PSG5: variants seen among roughly 807,000 people sequenced by gnomAD.
The protein encoded by PSG5 is pregnancy-specific beta-1-glycoprotein 5.
PSG5 carries 53 observed loss-of-function variants against 37.7 expected under a neutral mutation model. That is an observed-to-expected ratio of 1.41 (90% confidence interval 1.13 to 1.77). The LOEUF is 1.77. PSG5 is among the 40% of genes most tolerant of loss of function. The pLI is 0.00. For synonymous variants in PSG5, 221 were observed against 155.4 expected (o/e 1.42, Z -3.14); for missense variants, 547 against 405.2 (o/e 1.35, Z -3.00).
rs573752117 is a variant in PSG5, at chr19:43,176,119, T to A, written c.460A>T (p.Asn154Tyr). The part of the protein sequence containing the change: ...LKLPKPYITI[N>Y]NSKPRENKDV... ...TTATTCTCCCTGGGTTTTGAGTTGT[T>A]GATGGTGATGTAGGGCTTGGGCAGC... Residue 154 changes from asparagine to tyrosine, a missense_variant, in exon 3 of 6, where the codon AAC becomes TAC. Asn to Tyr is a moderately radical substitution (Grantham distance 143). Transcript: ENST00000342951. 1.9e-6 allele frequency: 3 copies of A among 1,611,250 alleles called. No individual in the cohort carries two copies. In the African/African-American group the frequency reaches 4.0e-5, roughly 22 times the overall value.
At chr19:43,177,877 TATC>T (rs1469641406) in intron 2 of PSG5, among the ~76,000 whole-genome samples, 1 of 151,646 alleles carries the variant, frequency 6.6e-6, no homozygotes, top group East Asian at 1.9e-4. Flanking sequence ...CATATATTGA[TATC>T]ATCTTTAATT....
rs903527737 is a variant in PSG5, at chr19:43,175,527, G to T, written c.710-58C>A. 1.7e-5 allele frequency: 26 copies of T among 1,557,272 alleles called. No individual in the cohort carries two copies. The East Asian group carries it at 3.8e-4, about 23-fold the overall frequency. Reference sequence around the variant, plus strand: ...TCATCCAAGGGAAGGGGATGCTCCTGGTCTCTTAAAGGGACACAGTGACCC... The same window carrying T: ...TCATCCAAGGGAAGGGGATGCTCCTTGTCTCTTAAAGGGACACAGTGACCC... On this transcript the variant is annotated intron_variant, in intron 3 of 5. Transcript: ENST00000342951.
rs757745001 is a variant in PSG5 at position 43,184,867 on chromosome 19, T to C, written c.345A>G (p.Glu115=). ...ASLLIQNVTR[E]DAGSYTLHII... is the part of the protein sequence containing the mutation. ...TGTGTAAGGTGTAGGATCCTGCGTC[T>C]TCCCGGGTGACATTCTGGATCAGCA... Residue 115 remains glutamate, a synonymous_variant, in exon 2 of 6, where the codon GAA becomes GAG. Transcript: ENST00000342951. The C allele has an allele frequency of 5.0e-6, 8 of 1,612,484 alleles. No homozygotes were observed. Among genetic ancestry groups the C allele is most frequent in the African/African-American group, 2.7e-5 (2 of 74,516 alleles).
At position 43,175,958 on chromosome 19, in the gene PSG5, G is replaced by A. The variant is rs1969000728; in HGVS notation, c.621C>T (p.Val207=). The A allele has an allele frequency of 1.2e-6, 2 of 1,612,110 alleles. No individual in the cohort carries two copies. Among genetic ancestry groups the A allele is most frequent in the South Asian group, 1.1e-5 (1 of 91,026 alleles). ...CATAGGGTCCTGTTTCATTTCTCGT[G>A]ACACTGGGTAGAATGAGGATCCTGT... The part of the protein sequence containing the change: ...IENRILILPS[V]TRNETGPYEC... The change falls in exon 3 of 6, where the codon GTC becomes GTT. Residue 207 remains valine, a synonymous_variant. Coordinates refer to ENST00000342951, the MANE Select transcript of PSG5 (RefSeq NM_002781.4).
At chr19:43,182,694 A>C (rs1969153917) in intron 2 of PSG5, among the ~76,000 whole-genome samples, 1 of 80,028 alleles carries the variant, frequency 1.2e-5, no homozygotes, top group South Asian at 4.3e-4. Flanking sequence ...CTAGAAACCA[A>C]CATTTCAATA....
intron 2 of PSG5, chr19:43,179,066 T>A (rs761509488): frequency 6.2e-7 from 1 of 1,612,482 alleles, no homozygotes; most frequent in Non-Finnish European, 8.5e-7. Context: ...AGCTTGTGTC[T>A]GAAGCCGCAG....
chr19:43,168,066 G>C lies in PSG5; in HGVS notation c.*178C>G. The C allele has an allele frequency of 4.7e-6, 2 of 427,586 alleles. No homozygotes were observed. The allele number at this position is 427,586 out of a possible 1,614,324, so 26.5% of individuals were successfully genotyped here. On this transcript the variant is annotated 3_prime_UTR_variant, in exon 6 of 6. Coordinates refer to ENST00000342951, the MANE Select transcript of PSG5 (RefSeq NM_002781.4). ...TAAAATTTTGAAAGTTCTTAGTCCA[G>C]TGGTATGATCTTGAAGTTATCAGGA...
chr19:43,183,491 A>C (rs773471706), intron 2 of PSG5: 6 of 528,624 alleles, frequency 1.1e-5, no homozygotes, highest in Non-Finnish European at 2.3e-5. Flanking sequence ...GAAAGAAAAC[A>C]AAGTCCTCTC....
rs948717445 is a variant in PSG5, at chr19:43,185,069, C to T, written c.143G>A (p.Gly48Glu). 1 of 1,612,286 alleles carries T rather than the reference C, an allele frequency of 6.2e-7. No homozygotes were observed. Reference sequence around the variant, plus strand: ...GTGGACAAGTAGAAGAACATCCTTCCCCTCGGAAACTTTGGGTGGCAGGGC... The same window carrying T: ...GTGGACAAGTAGAAGAACATCCTTCTCCTCGGAAACTTTGGGTGGCAGGGC... Reference protein sequence around the residue: ...IEALPPKVSEGKDVLLLVHNL... With the variant: ...IEALPPKVSEEKDVLLLVHNL... The change falls in exon 2 of 6, where the codon GGG becomes GAG. Residue 48 changes from glycine to glutamate, a missense_variant. Physicochemically the swap from Gly to Glu is moderately conservative, Grantham distance 98. Coordinates refer to ENST00000342951, the MANE Select transcript of PSG5 (RefSeq NM_002781.4).
chr19:43,186,245 G>T lies in PSG5; in HGVS notation c.64+97C>A. ...CCCACCTCATCCTCCCAAAGTGCTG[G>T]CTTCTTTTATTTTTTAGAACCCCAT... is the stretch of plus-strand genomic sequence containing the variant. On this transcript the variant is annotated intron_variant, in intron 1 of 5. Transcript: ENST00000342951. 3.2e-6 allele frequency: 5 copies of T among 1,581,526 alleles called. No individual in the cohort carries two copies. The Admixed American group carries it at 5.1e-5, about 16-fold the overall frequency.
chr19:43,178,773 G>A lies in PSG5; in HGVS notation c.431-2625C>T, dbSNP rs536533879. The A allele has an allele frequency of 4.9e-5, 78 of 1,606,942 alleles. 1 individual carries two copies. In the South Asian group the frequency reaches 5.4e-4, roughly 11 times the overall value. On this transcript the variant is annotated intron_variant, in intron 2 of 5. Coordinates refer to ENST00000342951, the MANE Select transcript of PSG5 (RefSeq NM_002781.4). Reference sequence around the variant, plus strand: ...GTCATGGCCAGCTTTGATGTCCAGGGGTAAAGGTCTCTGTACTTGGACCTG... The same window carrying A: ...GTCATGGCCAGCTTTGATGTCCAGGAGTAAAGGTCTCTGTACTTGGACCTG...
At chr19:43,175,739 G>A (rs1968994564) in intron 3 of PSG5, 131 bp downstream of exon 3, 9 of 1,522,140 alleles carry the variant, frequency 5.9e-6, no homozygotes, top group African/African-American at 1.4e-5. Context: ...AGGGCAGGGA[G>A]TCATGGCCAG....
intron 1 of PSG5, 47 bp from the exon 2 acceptor site, chr19:43,185,194 G>C: frequency 1.9e-6 from 3 of 1,541,752 alleles, no homozygotes; most frequent in Middle Eastern, 1.8e-4. Context: ...CTGTGTATTG[G>C]GGTGAAAAGA....
Position 43,183,027 on chromosome 19 carries a change from AG to A in PSG5, c.430+1754del, listed in dbSNP as rs778384378. Among the ~76,000 whole-genome samples, 187 of 150,964 alleles carry A rather than the reference AG, an allele frequency of 1.2e-3. 1 individual carries two copies. Among genetic ancestry groups the A allele is most frequent in the Non-Finnish European group, 2.3e-3 (157 of 67,738 alleles). ...TAGAGGGAGTGTCTGGGGAAGGCCT[AG>A]GGGTGGGGGAAGAAGCTGTGCAGGA... is the stretch of plus-strand genomic sequence containing the variant. On this transcript the variant is annotated intron_variant, in intron 2 of 5. Transcript: ENST00000342951.
At chr19:43,185,413 C>T (rs1966912347) in intron 1 of PSG5, among the ~76,000 whole-genome samples, 1 of 120,522 alleles carries the variant, frequency 8.3e-6, no homozygotes, top group Admixed American at 9.0e-5. Flanking sequence ...TCCTCTTCCC[C>T]AGGGGTCCAC....
chr19:43,171,561 G>C, intron 4 of PSG5: 1 of 401,818 alleles, frequency 2.5e-6, no homozygotes, highest in Non-Finnish European at 4.3e-6. Flanking sequence ...AAAAAGAATA[G>C]AGGAAATTAA....
At position 43,175,677 on chromosome 19, in the gene PSG5, C is replaced by T. The variant is rs951258441; in HGVS notation, c.709+193G>A. The T allele has an allele frequency of 4.5e-5, 62 of 1,384,198 alleles. 4 individuals are homozygous for T. The African/African-American group carries it at 4.8e-4, about 11-fold the overall frequency. The allele number at this position is 1,384,198 out of a possible 1,614,324, so 85.7% of individuals were successfully genotyped here. ...GACACAAAGTCTCCCATGACAAGAG[C>T]GCCCCCTCCCCTTATATTCCTGGTT... On this transcript the variant is annotated intron_variant, in intron 3 of 5. Transcript: ENST00000342951.
chr19:43,172,320 T>G (rs1968923960), intron 4 of PSG5, among the ~76,000 whole-genome samples: 2 of 151,662 alleles, frequency 1.3e-5, no homozygotes, highest in Non-Finnish European at 2.9e-5. Flanking sequence ...TTTCCCTGTA[T>G]GAGCAGGAAC....
chr19:43,185,570 A>G (rs1966918606), intron 1 of PSG5, among the ~76,000 whole-genome samples: 1 of 150,294 alleles, frequency 6.7e-6, no homozygotes, highest in Non-Finnish European at 1.5e-5. Context: ...TCTTGTCAAC[A>G]CCTGACCTCA....
Sources: allele counts gnomAD v4.1 joint callset (sites outside exome capture counted in the v4.1 genomes callset), GRCh38; gene constraint gnomAD v4.1.1; transcripts MANE v1.5; gene names NCBI Gene and HGNC (gene_info 2026-07-23, HGNC 2026-07-21).